The following ZNF385D variants were observed in gnomAD, a reference collection of about 807,000 sequenced individuals.
ZNF385D encodes zinc finger protein 385D, also known as zinc finger protein 659.
In ZNF385D, 15 loss-of-function variants were observed where a neutral mutation model predicts 35.8. The ratio of observed to expected loss-of-function variants is 0.42; its 90% CI spans 0.28 to 0.64. The LOEUF (loss-of-function observed/expected upper bound fraction) is 0.64. ZNF385D is among the 30% of genes least tolerant of loss of function. ZNF385D has a pLI of 0.23. For missense variants in ZNF385D, 474 were observed against 494.6 expected (o/e 0.96, Z 0.39); for synonymous variants, 212 against 186.8 (o/e 1.13, Z -1.10).
intron 4 of ZNF385D, among the ~76,000 whole-genome samples, chr3:21,442,974 T>C (rs1298566559): frequency 6.6e-6 from 1 of 151,834 alleles, no homozygotes; most frequent in Non-Finnish European, 1.5e-5. Flanking sequence ...AGTGGCTGTT[T>C]TTGTACACAG....
intron 3 of ZNF385D, among the ~76,000 whole-genome samples, chr3:21,921,033 G>A (rs1190006496): frequency 6.6e-6 from 1 of 150,844 alleles, no homozygotes; most frequent in Non-Finnish European, 1.5e-5. Context: ...GGCTAACACA[G>A]TGAAACCCCA....
chr3:22,106,306 G>A (rs1702210094), intron 3 of ZNF385D, among the ~76,000 whole-genome samples: 1 of 152,072 alleles, frequency 6.6e-6, no homozygotes, highest in Admixed American at 6.6e-5. Context: ...ACACTTGGAT[G>A]AAGTAAGGAC....
intron 3 of ZNF385D, 74 bp downstream of exon 3, chr3:21,564,500 A>G: frequency 1.1e-6 from 1 of 914,404 alleles, no homozygotes; most frequent in South Asian, 2.3e-5. Flanking sequence ...GTCTTAAGAA[A>G]TCTTTTCTCC....
chr3:22,248,479 C>G (rs960464755), intron 2 of ZNF385D, among the ~76,000 whole-genome samples: 2 of 152,134 alleles, frequency 1.3e-5, no homozygotes, highest in African/African-American at 4.8e-5. Context: ...TAAAGGAAAT[C>G]ATACAACTCA....
At chr3:22,229,352 C>T (rs12488937) in intron 2 of ZNF385D, among the ~76,000 whole-genome samples, 22,645 of 152,184 alleles carry the variant, frequency 0.15, 1,759 homozygotes, top group Middle Eastern at 0.23. Flanking sequence ...TCTGTGACCC[C>T]AACTTAGGTT....
chr3:22,259,617 T>C (rs1336577005), intron 2 of ZNF385D, among the ~76,000 whole-genome samples: 1 of 152,002 alleles, frequency 6.6e-6, no homozygotes, highest in Non-Finnish European at 1.5e-5. Flanking sequence ...TAATTCAAGT[T>C]TTGAGATTTA....
chr3:22,342,558 T>A (rs1695474433), intron 2 of ZNF385D, among the ~76,000 whole-genome samples: 1 of 152,090 alleles, frequency 6.6e-6, no homozygotes, highest in East Asian at 1.9e-4. Context: ...ATGACAGAAG[T>A]GTATGACAAT....
intron 1 of ZNF385D, among the ~76,000 whole-genome samples, chr3:21,724,796 T>C (rs1396294523): frequency 1.3e-5 from 2 of 152,202 alleles, no homozygotes; most frequent in African/African-American, 4.8e-5. Flanking sequence ...TTAACAAGGA[T>C]ATTCAGGACT....
At chr3:21,493,030 G>A (rs575280598) in intron 4 of ZNF385D, among the ~76,000 whole-genome samples, 1 of 152,010 alleles carries the variant, frequency 6.6e-6, no homozygotes, top group Non-Finnish European at 1.5e-5. Flanking sequence ...AATCTGGTTA[G>A]AATCTTGGAC....
chr3:22,174,089 T>C (rs968032234), intron 2 of ZNF385D, among the ~76,000 whole-genome samples: 2 of 151,934 alleles, frequency 1.3e-5, no homozygotes, highest in Non-Finnish European at 2.9e-5. Flanking sequence ...ATTAACAATT[T>C]ATAAACTTCA....
chr3:22,205,454 T>C (rs1176365502), intron 2 of ZNF385D, among the ~76,000 whole-genome samples: 2 of 151,772 alleles, frequency 1.3e-5, no homozygotes, highest in African/African-American at 2.4e-5. Flanking sequence ...TTGCTGGTAA[T>C]AGTAAGCACA....
chr3:21,623,472 T>A (rs1437798205), intron 2 of ZNF385D, among the ~76,000 whole-genome samples: 4 of 151,924 alleles, frequency 2.6e-5, no homozygotes, highest in Non-Finnish European at 5.9e-5. Flanking sequence ...GCAAGACCAG[T>A]CTTTACAAGA....
chr3:21,540,224 T>C (rs1246048387), intron 3 of ZNF385D, among the ~76,000 whole-genome samples: 2 of 152,106 alleles, frequency 1.3e-5, no homozygotes, highest in Non-Finnish European at 2.9e-5. Context: ...ATAATAACAA[T>C]ATAGCACAAA....
intron 3 of ZNF385D, among the ~76,000 whole-genome samples, chr3:21,822,574 TAGG>T (rs1694329536): frequency 6.6e-6 from 1 of 151,290 alleles, no homozygotes. Flanking sequence ...ATTCTAGTAG[TAGG>T]TATATACTAC....
intron 3 of ZNF385D, among the ~76,000 whole-genome samples, chr3:21,804,234 A>G (rs2072534293): frequency 6.6e-6 from 1 of 152,214 alleles, no homozygotes; most frequent in Non-Finnish European, 1.5e-5. Context: ...GTATTTTTAT[A>G]TCACATTCTT....
intron 2 of ZNF385D, among the ~76,000 whole-genome samples, chr3:21,655,428 A>G (rs2066045398): frequency 6.6e-6 from 1 of 152,024 alleles, no homozygotes; most frequent in African/African-American, 2.4e-5. Flanking sequence ...TGTTACTGAA[A>G]TAGCAGTGTA....
At position 21,825,535 on chromosome 3, in the gene ZNF385D, G is replaced by T. The variant is rs542338535; in HGVS notation, c.326-160507C>A. 2.0e-5 allele frequency among the ~76,000 whole-genome samples: 3 copies of T among 151,784 alleles called. No individual in the cohort carries two copies. In the South Asian group the frequency reaches 6.3e-4, roughly 32 times the overall value. ...CCGGGGTTCTTTCAGTGGCTTACAA[G>T]CCTTGTGAATGACATAGGCCCTAAA... On this transcript the variant is annotated intron_variant, in intron 3 of 5. Transcript: ENST00000494108.
chr3:22,117,835 C>A (rs191609683), intron 3 of ZNF385D, among the ~76,000 whole-genome samples: 1 of 152,024 alleles, frequency 6.6e-6, no homozygotes, highest in East Asian at 1.9e-4. Flanking sequence ...AGGTAGAAAT[C>A]TTTTTATCTA....
intron 3 of ZNF385D, among the ~76,000 whole-genome samples, chr3:22,158,530 A>C (rs1576419446): frequency 6.6e-6 from 1 of 152,086 alleles, no homozygotes; most frequent in East Asian, 1.9e-4. Flanking sequence ...ATACTATCGC[A>C]ATTTTGGAAG....
Sources: allele counts gnomAD v4.1 joint callset (sites outside exome capture counted in the v4.1 genomes callset), GRCh38; gene constraint gnomAD v4.1.1; transcripts MANE v1.5; gene names NCBI Gene and HGNC (gene_info 2026-07-23, HGNC 2026-07-21).